Variants in RABGAP1L observed in about 807,000 individuals in gnomAD.
The protein encoded by RABGAP1L is RAB GTPase activating protein 1 like.
Under a neutral mutation model 137.7 loss-of-function variants are expected in RABGAP1L, and 63 were observed. That is an observed-to-expected ratio of 0.46 (90% confidence interval 0.37 to 0.56). RABGAP1L has a LOEUF of 0.56. Ranked by LOEUF, RABGAP1L falls within the 20% of genes least tolerant of loss-of-function variation. The probability of loss-of-function intolerance (pLI) is 0.00; values close to 1 mark genes in which losing one functional copy is unlikely to be tolerated. For missense variants in RABGAP1L, 1,095 were observed against 1,244.0 expected (o/e 0.88, Z 1.80); for synonymous variants, 431 against 433.7 (o/e 0.99, Z 0.08).
intron 17 of RABGAP1L, among the ~76,000 whole-genome samples, chr1:174,730,396 A>G (rs747589101): frequency 4.6e-5 from 7 of 152,204 alleles, no homozygotes; most frequent in Non-Finnish European, 7.4e-5. Flanking sequence ...GGGATCATTC[A>G]TACCCCAAAC....
At chr1:174,364,519 G>T (rs1451992975) in intron 11 of RABGAP1L, among the ~76,000 whole-genome samples, 1 of 151,924 alleles carries the variant, frequency 6.6e-6, no homozygotes, top group East Asian at 1.9e-4. Flanking sequence ...CTCCCAAAGT[G>T]CTGGGATTAC....
chr1:174,527,714 C>T (rs1425656302), intron 13 of RABGAP1L, among the ~76,000 whole-genome samples: 1 of 152,078 alleles, frequency 6.6e-6, no homozygotes, highest in Non-Finnish European at 1.5e-5. Flanking sequence ...AGATTATTTA[C>T]CTAATGCTGA....
At chr1:174,782,264 C>T (rs1687073790) in intron 18 of RABGAP1L, among the ~76,000 whole-genome samples, 1 of 152,114 alleles carries the variant, frequency 6.6e-6, no homozygotes, top group Non-Finnish European at 1.5e-5. Context: ...TGCAGTTCTC[C>T]TTGAAGAGGT....
chr1:174,704,157 C>T (rs899256029), intron 17 of RABGAP1L, among the ~76,000 whole-genome samples: 1 of 150,702 alleles, frequency 6.6e-6, no homozygotes, highest in Non-Finnish European at 1.5e-5. Flanking sequence ...AACACCATGC[C>T]CAGCTAATTT....
intron 21 of RABGAP1L, among the ~76,000 whole-genome samples, chr1:174,969,626 G>A (rs1669962767): frequency 6.6e-6 from 1 of 152,182 alleles, no homozygotes; most frequent in Non-Finnish European, 1.5e-5. Flanking sequence ...TTATGTCTTT[G>A]TTGATACCTT....
intron 13 of RABGAP1L, among the ~76,000 whole-genome samples, chr1:174,401,596 AGT>A (rs1332974214): frequency 6.6e-6 from 1 of 152,176 alleles, no homozygotes; most frequent in Admixed American, 6.6e-5. Context: ...GAAAACAGGA[AGT>A]GTGTAGCACC....
intron 19 of RABGAP1L, among the ~76,000 whole-genome samples, chr1:174,826,077 G>C (rs985077855): frequency 6.6e-6 from 1 of 152,096 alleles, no homozygotes; most frequent in Admixed American, 6.5e-5. Context: ...CTGAGTATCT[G>C]TTGTTCCCAT....
intron 14 of RABGAP1L, among the ~76,000 whole-genome samples, chr1:174,655,033 C>G (rs879831215): frequency 1.3e-5 from 2 of 152,070 alleles, no homozygotes; most frequent in African/African-American, 2.4e-5. Context: ...GTATTTTTAA[C>G]AACCTCAAAC....
Position 174,241,636 on chromosome 1 carries a change from C to A in RABGAP1L, c.696C>A (p.Phe232Leu). The A allele has an allele frequency of 1.2e-6, 2 of 1,612,732 alleles. No homozygotes were observed. Among genetic ancestry groups the A allele is most frequent in the Non-Finnish European group, 1.7e-6 (2 of 1,179,474 alleles). ...CGGAAGAATTTCAGATACATGTTTT[C>A]TCCTGTGAAATTAAAGAGGCAGTAA... ...HGSEEFQIHV[F>L]SCEIKEAVSR... is the part of the protein sequence containing the mutation. The change falls in exon 5 of 26, where the codon TTC becomes TTA. Residue 232 changes from phenylalanine (F) to leucine (L), a missense_variant. Coordinates refer to ENST00000681986, the MANE Select transcript of RABGAP1L (RefSeq NM_001366446.1).
At chr1:174,515,229 G>A (rs1167317800) in intron 13 of RABGAP1L, among the ~76,000 whole-genome samples, 2 of 152,196 alleles carry the variant, frequency 1.3e-5, no homozygotes, top group East Asian at 3.9e-4. Flanking sequence ...CAGGAAAATT[G>A]ACAAATATTA....
intron 11 of RABGAP1L, among the ~76,000 whole-genome samples, chr1:174,320,843 G>A (rs540682229): frequency 6.6e-6 from 1 of 152,238 alleles, no homozygotes; most frequent in Non-Finnish European, 1.5e-5. Flanking sequence ...TAAAGCATGT[G>A]TGTTTAAACA....
At chr1:174,203,807 A>C (rs547747647) in intron 1 of RABGAP1L, among the ~76,000 whole-genome samples, 16 of 151,542 alleles carry the variant, frequency 1.1e-4, no homozygotes, top group African/African-American at 3.4e-4. Flanking sequence ...GAGATGTTCT[A>C]CCTCGTGGTT....
chr1:174,176,742 A>AT (rs1558005669), intron 1 of RABGAP1L, among the ~76,000 whole-genome samples: 1 of 106,964 alleles, frequency 9.3e-6, no homozygotes, highest in South Asian at 3.0e-4. Context: ...AAAAAAAAAA[A>AT]AAAAGGTCAA....
At chr1:174,794,091 G>A (rs540386377) in intron 18 of RABGAP1L, among the ~76,000 whole-genome samples, 3 of 152,292 alleles carry the variant, frequency 2.0e-5, no homozygotes, top group East Asian at 1.9e-4. Context: ...TCTGTATTTT[G>A]ACCTGTTTGC....
At chr1:174,387,068 CTTAGAG>C (rs1314133618) in intron 12 of RABGAP1L, among the ~76,000 whole-genome samples, 2 of 152,136 alleles carry the variant, frequency 1.3e-5, no homozygotes, top group African/African-American at 4.8e-5. Context: ...ATCTTAGACT[CTTAGAG>C]TTACATAGAA....
intron 19 of RABGAP1L, among the ~76,000 whole-genome samples, chr1:174,911,224 G>A (rs76217755): frequency 0.022 from 3,395 of 151,986 alleles, 54 homozygotes; most frequent in Middle Eastern, 0.078. Flanking sequence ...ATTTTCTTCC[G>A]TTTTGCAGGT....
intron 3 of RABGAP1L, among the ~76,000 whole-genome samples, chr1:174,222,381 A>G (rs1476363658): frequency 6.6e-6 from 1 of 152,194 alleles, no homozygotes; most frequent in Non-Finnish European, 1.5e-5. Flanking sequence ...CTGTTACACA[A>G]TAGGGCTGTG....
chr1:174,395,395 T>A (rs1261868192), intron 13 of RABGAP1L, among the ~76,000 whole-genome samples: 8 of 152,062 alleles, frequency 5.3e-5, no homozygotes, highest in African/African-American at 1.7e-4. Context: ...GTTTTTTTTT[T>A]AATTTAATAT....
At chr1:174,179,694 C>T (rs1312317725) in intron 1 of RABGAP1L, among the ~76,000 whole-genome samples, 1 of 152,156 alleles carries the variant, frequency 6.6e-6, no homozygotes, top group Non-Finnish European at 1.5e-5. Context: ...TTTGCATCAT[C>T]ACATTAGCAC....
Sources: gnomAD v4.1 joint callset for allele counts (sites outside exome capture counted in the v4.1 genomes callset) on GRCh38, gnomAD v4.1.1 for gene constraint, MANE v1.5 for transcripts, NCBI Gene and HGNC (gene_info 2026-07-23, HGNC 2026-07-21) for gene names.